GSK3B: variants seen among roughly 807,000 people sequenced by gnomAD.
The protein encoded by GSK3B is glycogen synthase kinase-3 beta.
Under a neutral mutation model 56.4 loss-of-function variants are expected in GSK3B, and 15 were observed. That is an observed-to-expected ratio of 0.27 (90% CI 0.18 to 0.41). The LOEUF is 0.41. GSK3B is among the 10% of genes least tolerant of loss of function. The pLI is 1.00. For synonymous variants in GSK3B, 181 were observed against 188.9 expected (o/e 0.96, Z 0.34); for missense variants, 300 against 513.4 (o/e 0.58, Z 4.02).
intron 7 of GSK3B, among the ~76,000 whole-genome samples, chr3:119,887,247 C>G (rs868397364): frequency 6.6e-6 from 1 of 151,910 alleles, no homozygotes; most frequent in Non-Finnish European, 1.5e-5. Context: ...GATGAAATAA[C>G]GAACACTGAA....
intron 2 of GSK3B, among the ~76,000 whole-genome samples, chr3:119,954,166 G>A (rs958496217): frequency 1.3e-5 from 2 of 151,812 alleles, no homozygotes; most frequent in Non-Finnish European, 1.5e-5. Context: ...CCAACTTGGT[G>A]TTATTTTCCA....
intron 5 of GSK3B, among the ~76,000 whole-genome samples, chr3:119,914,665 T>C (rs1052429993): frequency 6.6e-6 from 1 of 152,062 alleles, no homozygotes; most frequent in South Asian, 2.1e-4. Flanking sequence ...TGCAAAGTGA[T>C]AGGTCATCTG....
chr3:120,011,835 A>G (rs1323057748), intron 1 of GSK3B, among the ~76,000 whole-genome samples: 1 of 152,194 alleles, frequency 6.6e-6, no homozygotes, highest in East Asian at 1.9e-4. Context: ...AATCCCATTC[A>G]TTGTTTCATC....
At chr3:119,845,330 G>A (rs1338971142) in intron 9 of GSK3B, among the ~76,000 whole-genome samples, 1 of 152,196 alleles carries the variant, frequency 6.6e-6, no homozygotes, top group Non-Finnish European at 1.5e-5. Context: ...AATCAGGCAA[G>A]AGAAAGAAAT....
Position 119,821,558 on chromosome 3 carries a change from A to AC in GSK3B, c.*5229dup, listed in dbSNP as rs1294198185. 1 of 152,300 alleles carries AC rather than the reference A, an allele frequency of 6.6e-6. No individual in the cohort carries two copies. The highest frequency in any genetic ancestry group is 2.1e-4 in the South Asian group (1 of 4,826). The allele number at this position is 152,300 out of a possible 1,614,324, so 9.4% of individuals were successfully genotyped here. A position where few individuals can be genotyped will look rare whatever the true frequency, so the allele number is the denominator to read the frequency against. ...CGTGGTGTCCATATATTTTACAGAG[A>AC]CCCCCAAAGACCATTACTAATAGGA... is the stretch of plus-strand genomic sequence containing the variant. On this transcript the variant is annotated 3_prime_UTR_variant, in exon 11 of 11. Coordinates refer to ENST00000264235, the MANE Select transcript of GSK3B (RefSeq NM_001146156.2).
intron 2 of GSK3B, among the ~76,000 whole-genome samples, chr3:119,962,387 A>C (rs1304957352): frequency 6.6e-6 from 1 of 151,576 alleles, no homozygotes; most frequent in African/African-American, 2.4e-5. Flanking sequence ...AAAAAAAAAA[A>C]AAACAAAAAC....
chr3:120,026,386 T>C (rs578163327), intron 1 of GSK3B, among the ~76,000 whole-genome samples: 30 of 152,194 alleles, frequency 2.0e-4, no homozygotes, highest in East Asian at 5.8e-4. Context: ...TAATCTATAG[T>C]AGTTGTTCTC....
chr3:119,989,836 C>T (rs116751642), intron 2 of GSK3B, among the ~76,000 whole-genome samples: 7,029 of 152,034 alleles, frequency 0.046, 242 homozygotes, highest in Non-Finnish European at 0.074. Context: ...GGATCATGGC[C>T]ATTTCACAGA....
At chr3:119,902,736 G>A (rs2056637325) in intron 7 of GSK3B, among the ~76,000 whole-genome samples, 1 of 151,916 alleles carries the variant, frequency 6.6e-6, no homozygotes, top group Non-Finnish European at 1.5e-5. Flanking sequence ...TGGACTCGTT[G>A]ACACAGTCTC....
At chr3:119,828,568 G>A (rs910560258) in intron 10 of GSK3B, among the ~76,000 whole-genome samples, 4 of 152,136 alleles carry the variant, frequency 2.6e-5, no homozygotes, top group Non-Finnish European at 4.4e-5. Flanking sequence ...TCTACCATGT[G>A]CTATGGTGAG....
intron 1 of GSK3B, among the ~76,000 whole-genome samples, chr3:120,005,230 AAG>A (rs1277225911): frequency 6.6e-6 from 1 of 152,182 alleles, no homozygotes; most frequent in Non-Finnish European, 1.5e-5. Context: ...TTAGAAAAAA[AAG>A]AGTGAAAAGA....
At chr3:120,037,049 G>C (rs2058029223) in intron 1 of GSK3B, among the ~76,000 whole-genome samples, 1 of 152,132 alleles carries the variant, frequency 6.6e-6, no homozygotes, top group Non-Finnish European at 1.5e-5. Context: ...TCCTATCACT[G>C]CATTAAACAA....
At chr3:119,984,253 A>G (rs1240797652) in intron 2 of GSK3B, among the ~76,000 whole-genome samples, 1 of 152,246 alleles carries the variant, frequency 6.6e-6, no homozygotes, top group Non-Finnish European at 1.5e-5. Context: ...AAGATAAAGC[A>G]GCAAAGATCT....
At chr3:120,030,396 C>T (rs1028047438) in intron 1 of GSK3B, among the ~76,000 whole-genome samples, 15 of 152,186 alleles carry the variant, frequency 9.9e-5, no homozygotes, top group Non-Finnish European at 2.9e-5. Context: ...TTAGAGACTC[C>T]TATATTCAAC....
At position 120,009,265 on chromosome 3, in the gene GSK3B, A is replaced by C. The variant is rs58540702; in HGVS notation, c.89-7026T>G. Among the ~76,000 whole-genome samples the C allele has an allele frequency of 6.3e-3, 964 of 152,320 alleles. 12 individuals are homozygous for C. Among genetic ancestry groups the C allele is most frequent in the African/African-American group, 0.02 (824 of 41,564 alleles). Reference sequence around the variant, plus strand: ...TGTAAATTAGTTCAACCATTGTGAAAGACAGTGTAGCGATTCCTCAAGGAT... The same window carrying C: ...TGTAAATTAGTTCAACCATTGTGAACGACAGTGTAGCGATTCCTCAAGGAT... On this transcript the variant is annotated intron_variant, in intron 1 of 10. Transcript: ENST00000264235.
intron 9 of GSK3B, among the ~76,000 whole-genome samples, chr3:119,859,416 A>G (rs1169662990): frequency 6.6e-6 from 1 of 152,192 alleles, no homozygotes; most frequent in Non-Finnish European, 1.5e-5. Context: ...TTTAAAAATC[A>G]TTGTTACAAA....
chr3:119,998,907 A>G (rs1361747829), intron 2 of GSK3B, among the ~76,000 whole-genome samples: 2 of 152,268 alleles, frequency 1.3e-5, no homozygotes, highest in African/African-American at 4.8e-5. Flanking sequence ...GGCATTACTC[A>G]TATTCAAATA....
chr3:119,901,845 C>T (rs993522488), intron 7 of GSK3B, among the ~76,000 whole-genome samples: 1 of 152,074 alleles, frequency 6.6e-6, no homozygotes, highest in African/African-American at 2.4e-5. Flanking sequence ...AAGTCTACCA[C>T]ATAAAAAAAC....
At chr3:119,999,249 G>A (rs761276410) in intron 2 of GSK3B, among the ~76,000 whole-genome samples, 32 of 152,164 alleles carry the variant, frequency 2.1e-4, no homozygotes, top group South Asian at 4.1e-4. Context: ...CTGATACTAT[G>A]ATATAGAAAG....
Sources: allele counts gnomAD v4.1 joint callset (sites outside exome capture counted in the v4.1 genomes callset), GRCh38; gene constraint gnomAD v4.1.1; transcripts MANE v1.5; gene names NCBI Gene and HGNC (gene_info 2026-07-23, HGNC 2026-07-21).